Variants in PSME4 observed in about 807,000 individuals in gnomAD.
PSME4 encodes the protein proteasome activator subunit 4, also known as proteasome activator complex subunit 4.
PSME4 carries 89 observed loss-of-function variants against 253.9 expected under a neutral mutation model. The observed-to-expected ratio is 0.35, with a 90% confidence interval of 0.30 to 0.42. The LOEUF is 0.42. Among genes scored for constraint, PSME4 ranks in the 10% least tolerant of loss-of-function variants. The pLI is 1.00. For synonymous variants in PSME4, 851 were observed against 759.2 expected, an observed-to-expected ratio of 1.12 and a Z score of -1.99; for missense variants, 2,014 against 2,195.2, an observed-to-expected ratio of 0.92 and a Z score of 1.65.
intron 1 of PSME4, among the ~76,000 whole-genome samples, chr2:53,960,083 T>A (rs1670412743): frequency 6.6e-6 from 1 of 152,182 alleles, no homozygotes; most frequent in Non-Finnish European, 1.5e-5. Context: ...GAGGTCAAAA[T>A]AATCTGACCA....
Position 53,919,162 on chromosome 2 carries a change from T to A in PSME4, c.2505A>T (p.Pro835=). The stretch of plus-strand genomic sequence containing the variant: ...TTATTTTTACTTACAAGTTAGTAAC[T>A]GGCTCTCCTTTCAACGGAGGTAGGA... The part of the protein sequence containing the change: ...GNLLPPLKGE[P]VTNLVPSMVS... The change falls in exon 20 of 47, where the codon CCA becomes CCT. Residue 835 remains proline (P), a synonymous_variant. Transcript: ENST00000404125. 1.2e-6 allele frequency: 2 copies of A among 1,612,086 alleles called. No homozygotes were observed. The highest frequency in any genetic ancestry group is 8.5e-7 in the Non-Finnish European group (1 of 1,179,310).
intron 40 of PSME4, among the ~76,000 whole-genome samples, chr2:53,887,005 A>G (rs554722814): frequency 6.6e-6 from 1 of 152,312 alleles, no homozygotes; most frequent in East Asian, 1.9e-4. Flanking sequence ...GGGAGGGAAA[A>G]TGAGGAGCTG....
At chr2:53,959,359 T>C (rs372978409) in intron 1 of PSME4, among the ~76,000 whole-genome samples, 227 of 151,998 alleles carry the variant, frequency 1.5e-3, no homozygotes, top group African/African-American at 5.2e-3. Flanking sequence ...AGCGAGACTC[T>C]GTCTCAAAAA....
chr2:53,939,722 T>C (rs1037952323), intron 4 of PSME4, among the ~76,000 whole-genome samples: 2 of 152,236 alleles, frequency 1.3e-5, no homozygotes, highest in African/African-American at 4.8e-5. Context: ...TAAAGATGAT[T>C]TTATGTAAAG....
At chr2:53,936,456 G>T (rs1425868872) in intron 6 of PSME4, among the ~76,000 whole-genome samples, 1 of 152,096 alleles carries the variant, frequency 6.6e-6, no homozygotes, top group Non-Finnish European at 1.5e-5. Context: ...TCCACTATAT[G>T]TCCAGCAGCA....
intron 26 of PSME4, 133 bp downstream of exon 26, chr2:53,906,465 A>G (rs1558670217): frequency 1.7e-5 from 22 of 1,316,450 alleles, no homozygotes; most frequent in Non-Finnish European, 2.1e-5. Flanking sequence ...TGGAAATTAC[A>G]ATTTCCAATA....
chr2:53,958,356 AAAAAAAAC>A (rs55941470), intron 1 of PSME4, among the ~76,000 whole-genome samples: 33,031 of 150,804 alleles, frequency 0.22, 4,005 homozygotes, highest in South Asian at 0.31. Context: ...ACTCCATCTC[AAAAAAAAC>A]AAAAAAACAA....
At chr2:53,889,558 T>C (rs1183090788) in intron 37 of PSME4, among the ~76,000 whole-genome samples, 1 of 152,126 alleles carries the variant, frequency 6.6e-6, no homozygotes, top group Non-Finnish European at 1.5e-5. Flanking sequence ...GGGCTGACTG[T>C]ACAGGAGAAG....
chr2:53,928,026 C>T (rs1287374163), intron 11 of PSME4, 91 bp downstream of exon 11: 2 of 859,206 alleles, frequency 2.3e-6, no homozygotes, highest in Non-Finnish European at 3.6e-6. Context: ...TTATATTAGG[C>T]TTATGCACAA....
At chr2:53,965,398 A>C (rs1246169370) in intron 1 of PSME4, among the ~76,000 whole-genome samples, 4 of 151,798 alleles carry the variant, frequency 2.6e-5, no homozygotes, top group African/African-American at 9.7e-5. Flanking sequence ...TACCAGCCTA[A>C]ATTTTGTATT....
chr2:53,869,795 A>T (rs943098122), intron 43 of PSME4: 6 of 255,886 alleles, frequency 2.3e-5, no homozygotes, highest in Admixed American at 2.0e-4. Flanking sequence ...TTCTCCATAA[A>T]TTATTTTCCC....
intron 42 of PSME4, among the ~76,000 whole-genome samples, chr2:53,874,809 G>A (rs1289044310): frequency 6.6e-6 from 1 of 152,138 alleles, no homozygotes; most frequent in African/African-American, 2.4e-5. Context: ...GCTGGGTGTG[G>A]TGGCAGGCAC....
chr2:53,970,414 C>T (rs1671009462), intron 1 of PSME4, 129 bp downstream of exon 1: 1 of 1,461,034 alleles, frequency 6.8e-7, no homozygotes, highest in African/African-American at 1.4e-5. Context: ...ACCCTGGGAT[C>T]ACCGCTCGGG....
At position 53,887,402 on chromosome 2, in the gene PSME4, T is replaced by C; in HGVS notation, c.4586A>G (p.His1529Arg). ...LPNTTPTISP[H>R]VPEFTARILE... ...AATTCGAGCAGTAAACTCAGGGACA[T>C]GAGGCGATATGGTTGGTGTGGTATT... Residue 1529 changes from histidine to arginine, a missense_variant, in exon 40 of 47, where the codon CAT becomes CGT. Around this residue, in one of 4 missense-constraint regions of PSME4, gnomAD observed 403 missense variants for 556.1 expected, o/e 0.72. Transcript: ENST00000404125. 1.2e-6 allele frequency: 2 copies of C among 1,613,986 alleles called. No homozygotes were observed. Among genetic ancestry groups the C allele is most frequent in the Non-Finnish European group, 1.7e-6 (2 of 1,179,886 alleles).
intron 11 of PSME4, among the ~76,000 whole-genome samples, chr2:53,927,690 T>A (rs1483285007): frequency 6.6e-6 from 1 of 152,198 alleles, no homozygotes; most frequent in East Asian, 1.9e-4. Flanking sequence ...CTCACACCTG[T>A]AATCCCAACA....
chr2:53,922,136 C>T (rs1349593939), intron 17 of PSME4, among the ~76,000 whole-genome samples: 3 of 152,060 alleles, frequency 2.0e-5, no homozygotes, highest in Non-Finnish European at 2.9e-5. Context: ...TGCACCACTG[C>T]ACTCCAGCGT....
intron 3 of PSME4, among the ~76,000 whole-genome samples, chr2:53,940,952 C>CATAT (rs1169212491): frequency 1.1e-3 from 26 of 23,976 alleles, no homozygotes; most frequent in African/African-American, 1.3e-3. Context: ...TATATATATA[C>CATAT]ATATATATAT....
chr2:53,949,147 A>T lies in PSME4; in HGVS notation c.379T>A (p.Leu127Ile). The T allele has an allele frequency of 6.3e-7, 1 of 1,593,888 alleles. No homozygotes were observed. The highest frequency in any genetic ancestry group is 8.5e-7 in the Non-Finnish European group (1 of 1,170,178). The change falls in exon 2 of 47, where the codon TTA (leucine) becomes ATA (isoleucine). Residue 127 changes from leucine to isoleucine, a missense_variant. This residue lies in a region of PSME4 where 615 missense variants were observed against 594.4 expected (regional missense o/e 1.03). Transcript: ENST00000404125. Reference sequence around the variant, plus strand: ...AACCTCTGGAAAAAGACTTACTTTAACAAGTTGATCAAAAGGCGGGCAAAT... The same window carrying T: ...AACCTCTGGAAAAAGACTTACTTTATCAAGTTGATCAAAAGGCGGGCAAAT... ...QGFARLLINLLKKKELLSRAD... is the reference protein window; with the variant it reads ...QGFARLLINLIKKKELLSRAD...
At chr2:53,901,243 T>C in intron 28 of PSME4, 107 bp downstream of exon 28, 1 of 1,032,632 alleles carries the variant, frequency 9.7e-7, no homozygotes, top group Non-Finnish European at 1.4e-6. Flanking sequence ...AACACTGGAC[T>C]CAAATGCCAA....
Sources: allele counts gnomAD v4.1 joint callset (sites outside exome capture counted in the v4.1 genomes callset), GRCh38; gene constraint gnomAD v4.1.1; regional missense constraint gnomAD v4.1.1; transcripts MANE v1.5; gene names NCBI Gene and HGNC (gene_info 2026-07-23, HGNC 2026-07-21).